The following ZNF14 variants were observed in gnomAD, a reference collection of about 807,000 sequenced individuals.
ZNF14 encodes zinc finger protein 14, also known as gonadotropin inducible transcription repressor-4.
Under a neutral mutation model 11.3 loss-of-function variants are expected in ZNF14, and 9 were observed. That is an observed-to-expected ratio of 0.80 (90% CI 0.48 to 1.39). The LOEUF (loss-of-function observed/expected upper bound fraction) is 1.39, where lower values mean the gene tolerates loss of function less well. Among genes scored for constraint, ZNF14 ranks in the 40% most tolerant of loss-of-function variants. The probability of loss-of-function intolerance (pLI) is 0.00; values close to 1 mark genes in which losing one functional copy is unlikely to be tolerated. For missense variants in ZNF14, 711 were observed against 763.9 expected (o/e 0.93, Z 0.82); for synonymous variants, 239 against 245.7 (o/e 0.97, Z 0.25).
chr19:19,733,073 C>T lies in ZNF14; in HGVS notation c.-115G>A. ...CTTCGGCCTTCAGGAGCAGGTGAAA[C>T]GCAATCTTCCCATGGGCCAGGAATG... On this transcript the variant is annotated 5_prime_UTR_variant, in exon 1 of 4. Transcript: ENST00000344099. 2.2e-6 allele frequency: 3 copies of T among 1,359,188 alleles called. No homozygotes were observed. Among genetic ancestry groups the T allele is most frequent in the Non-Finnish European group, 3.0e-6 (3 of 983,612 alleles). The allele number at this position is 1,359,188 out of a possible 1,614,324, so 84.2% of individuals were successfully genotyped here. A position where few individuals can be genotyped will look rare whatever the true frequency, so the allele number is the denominator to read the frequency against.
In ZNF14 at chr19:19,711,491, C is replaced by A. The variant is rs1568447814; in HGVS notation, c.1790G>T (p.Arg597Ile). The A allele has an allele frequency of 6.2e-7, 1 of 1,613,470 alleles. No homozygotes were observed. The highest frequency in any genetic ancestry group is 1.1e-5 in the South Asian group (1 of 91,004). ...ATGAATTCGAACAGAACTTGAAAAT[C>A]TGAAGGCTTTCCCACATTGTTTACA... ...YRCKQCGKAF[R>I]FSSSVRIHER... is the part of the protein sequence containing the mutation. Residue 597 changes from arginine to isoleucine, a missense_variant, in exon 4 of 4, where the codon AGA becomes ATA. Physicochemically the swap from Arg to Ile is moderately conservative, Grantham distance 97. Transcript: ENST00000344099.
intron 1 of ZNF14, among the ~76,000 whole-genome samples, chr19:19,723,478 G>T (rs971393043): frequency 1.3e-5 from 2 of 152,172 alleles, no homozygotes; most frequent in Non-Finnish European, 2.9e-5. Context: ...GCTGGATTCA[G>T]TTTGCCAGTA....
In ZNF14 at chr19:19,712,758, C is replaced by T. The variant is rs139440307; in HGVS notation, c.523G>A (p.Gly175Arg). 52 of 1,613,600 alleles carry T rather than the reference C, an allele frequency of 3.2e-5. No homozygotes were observed. Among genetic ancestry groups the T allele is most frequent in the Non-Finnish European group, 4.2e-5 (49 of 1,179,866 alleles). ...GVKPYECKQC[G>R]KAFIYYQPFQ... is the part of the protein sequence containing the mutation. ...GGCTGGTAATATATAAAGGCTTTCC[C>T]ACACTGTTTACATTCATAGGGCTTC... Residue 175 changes from glycine (G) to arginine (R), a missense_variant, in exon 4 of 4, where the codon GGG becomes AGG. By Grantham distance (125) the Gly-to-Arg change is moderately radical. Coordinates refer to ENST00000344099, the MANE Select transcript of ZNF14 (RefSeq NM_021030.3).
chr19:19,715,174 A>G (rs1011004254), intron 1 of ZNF14, among the ~76,000 whole-genome samples: 4 of 152,248 alleles, frequency 2.6e-5, no homozygotes, highest in African/African-American at 7.2e-5. Context: ...ATTACGTACC[A>G]TATCACTCAG....
rs868817906 is a variant in ZNF14, at chr19:19,714,241, T to C, written c.131-90A>G. The C allele has an allele frequency of 2.3e-5, 37 of 1,585,668 alleles. No homozygotes were observed. The African/African-American group carries it at 4.9e-4, about 21-fold the overall frequency. On this transcript the variant is annotated intron_variant, in intron 2 of 3. Coordinates refer to ENST00000344099, the MANE Select transcript of ZNF14 (RefSeq NM_021030.3). ...AGTTTCATGATTAGCTGTGACTGTC[T>C]GATTCAATCACTGAAAGATTCCCTT... is the stretch of plus-strand genomic sequence containing the variant.
In ZNF14 at chr19:19,711,657, G is replaced by C. The variant is rs766275293; in HGVS notation, c.1624C>G (p.Arg542Gly). ...TCATGCAATCGAATTTGACTGGAAC[G>C]AAGGAAGGCCTTACCACATTGCTTA... ...ECKQCGKAFL[R>G]SSQIRLHERT... is the part of the protein sequence containing the mutation. Residue 542 changes from arginine (R) to glycine (G), a missense_variant, in exon 4 of 4, where the codon CGT (arginine) becomes GGT (glycine). By Grantham distance (125) the Arg-to-Gly change is moderately radical (BLOSUM62 -2). Coordinates refer to ENST00000344099, the MANE Select transcript of ZNF14 (RefSeq NM_021030.3). The C allele has an allele frequency of 6.2e-7, 1 of 1,613,190 alleles. No individual in the cohort carries two copies. Among genetic ancestry groups the C allele is most frequent in the Non-Finnish European group, 8.5e-7 (1 of 1,179,752 alleles).
intron 1 of ZNF14, among the ~76,000 whole-genome samples, chr19:19,727,202 C>T (rs1209728490): frequency 7.5e-6 from 1 of 134,012 alleles, no homozygotes; most frequent in African/African-American, 2.8e-5. Flanking sequence ...ATCTTGGAGC[C>T]TCAAGGCCGA....
In ZNF14 at chr19:19,733,074, G is replaced by A. The variant is rs2062428933; in HGVS notation, c.-116C>T. The A allele has an allele frequency of 7.4e-7, 1 of 1,353,560 alleles. No individual in the cohort carries two copies. Among genetic ancestry groups the A allele is most frequent in the Non-Finnish European group, 1.0e-6 (1 of 978,716 alleles). 83.8% of individuals were successfully genotyped at this position (1,353,560 alleles called of 1,614,324 possible). A position where few individuals can be genotyped will look rare whatever the true frequency, so the allele number is the denominator to read the frequency against. On this transcript the variant is annotated 5_prime_UTR_variant, in exon 1 of 4. Transcript: ENST00000344099. ...TTCGGCCTTCAGGAGCAGGTGAAAC[G>A]CAATCTTCCCATGGGCCAGGAATGG... is the stretch of plus-strand genomic sequence containing the variant.
intron 1 of ZNF14, among the ~76,000 whole-genome samples, chr19:19,730,178 C>A (rs1321955732): frequency 6.6e-6 from 1 of 152,076 alleles, no homozygotes; most frequent in African/African-American, 2.4e-5. Flanking sequence ...TGTGTGCCAC[C>A]AGGCTCGGCT....
rs1418932743 is a variant in ZNF14 at position 19,714,153 on chromosome 19, TA to T, written c.131-3del. The T allele has an allele frequency of 2.5e-6, 4 of 1,612,670 alleles. No individual in the cohort carries two copies. The African/African-American group carries it at 5.3e-5, about 22-fold the overall frequency. The stretch of plus-strand genomic sequence containing the variant: ...TGTCCTGGTCTTCCCACTTTTTTCC[TA>T]AAATGCATACCCAGAAAGACCATTA... On this transcript the variant is annotated splice_region_variant and splice_polypyrimidine_tract_variant and intron_variant, in intron 2 of 3. Transcript: ENST00000344099.
intron 1 of ZNF14, among the ~76,000 whole-genome samples, chr19:19,722,853 T>C (rs2062396735): frequency 6.6e-6 from 1 of 152,200 alleles, no homozygotes; most frequent in Non-Finnish European, 1.5e-5. Context: ...GTAGCAATTG[T>C]GAATGGGAGT....
intron 1 of ZNF14, among the ~76,000 whole-genome samples, chr19:19,716,528 ATCTGCCTGCC>A (rs1325205579): frequency 6.6e-6 from 1 of 152,050 alleles, no homozygotes; most frequent in African/African-American, 2.4e-5. Flanking sequence ...GGCTCAAGCG[ATCTGCCTGCC>A]TCCGCCTCCC....
intron 1 of ZNF14, among the ~76,000 whole-genome samples, chr19:19,715,038 T>C (rs959926476): frequency 6.6e-6 from 1 of 152,152 alleles, no homozygotes; most frequent in African/African-American, 2.4e-5. Flanking sequence ...ACTGTGATCA[T>C]GTGAAACCTT....
intron 1 of ZNF14, among the ~76,000 whole-genome samples, chr19:19,716,824 T>C (rs1332295041): frequency 6.6e-6 from 1 of 152,176 alleles, no homozygotes. Flanking sequence ...AGTTTTGTAA[T>C]ATTCCCAGAA....
At position 19,733,032 on chromosome 19, in the gene ZNF14, G is replaced by C; in HGVS notation, c.-74C>G. 6.3e-7 allele frequency: 1 copy of C among 1,584,468 alleles called. No individual in the cohort carries two copies. The highest frequency in any genetic ancestry group is 8.6e-7 in the Non-Finnish European group (1 of 1,162,216). ...ACCTGCAGGTCACGGCGCGACAAAG[G>C]ATGCGCTAGAGCCACCTTCGGCCTT... On this transcript the variant is annotated 5_prime_UTR_variant, in exon 1 of 4. In the 5' UTR this introduces an upstream ATG that the reference lacks. Transcript: ENST00000344099.
At chr19:19,716,086 CTT>C (rs1283312327) in intron 1 of ZNF14, among the ~76,000 whole-genome samples, 1 of 151,964 alleles carries the variant, frequency 6.6e-6, no homozygotes, top group Non-Finnish European at 1.5e-5. Context: ...TTACTTGAGA[CTT>C]TGGGAAGACT....
chr19:19,713,748 C>CTTTT (rs71172526), intron 3 of ZNF14, among the ~76,000 whole-genome samples: 1,512 of 120,186 alleles, frequency 0.013, 48 homozygotes, highest in African/African-American at 0.042. Context: ...TGTGCCAGGC[C>CTTTT]TTTTTTTTTT....
chr19:19,714,935 C>T (rs1238571167), intron 1 of ZNF14, among the ~76,000 whole-genome samples: 1 of 151,972 alleles, frequency 6.6e-6, no homozygotes, highest in Non-Finnish European at 1.5e-5. Flanking sequence ...GTCTCGAACT[C>T]CTGAGCTCAG....
At chr19:19,719,178 C>T (rs1200055921) in intron 1 of ZNF14, among the ~76,000 whole-genome samples, 1 of 152,050 alleles carries the variant, frequency 6.6e-6, no homozygotes, top group Non-Finnish European at 1.5e-5. Context: ...GAATATCCCT[C>T]AAAATGGAAG....
Sources: allele counts gnomAD v4.1 joint callset (sites outside exome capture counted in the v4.1 genomes callset), GRCh38; gene constraint gnomAD v4.1.1; transcripts MANE v1.5; gene names NCBI Gene and HGNC (gene_info 2026-07-23, HGNC 2026-07-21).